The following THOC2 variants were observed in gnomAD, a reference collection of about 807,000 sequenced individuals.
The protein encoded by THOC2 is THO complex 2.
In THOC2, 10 loss-of-function variants were observed where a neutral mutation model predicts 128.4. That is an observed-to-expected ratio of 0.08 (90% CI 0.05 to 0.13). The LOEUF is 0.13. THOC2 is among the 10% of genes least tolerant of loss of function. THOC2 has a pLI of 1.00. For missense variants in THOC2, 535 were observed against 1,155.7 expected (o/e 0.46, Z 7.79); for synonymous variants, 393 against 396.9 (o/e 0.99, Z 0.12).
At chrX:123,701,723 C>T (rs1181917146) in intron 4 of THOC2, among the ~76,000 whole-genome samples, 1 of 109,713 alleles carries the variant, frequency 9.1e-6, no homozygotes, top group Non-Finnish European at 1.9e-5. Flanking sequence ...TCTTTAGTGC[C>T]TCACTAAAAA....
At chrX:123,680,688 A>G (rs1013370432) in intron 8 of THOC2, among the ~76,000 whole-genome samples, 2 of 110,814 alleles carry the variant, frequency 1.8e-5, no homozygotes, top group African/African-American at 6.6e-5. Context: ...CAAACTTAAC[A>G]TGCGCAAAGT....
intron 12 of THOC2, among the ~76,000 whole-genome samples, chrX:123,651,645 C>A (rs2048360338): frequency 9.0e-6 from 1 of 110,788 alleles, no homozygotes; most frequent in Admixed American, 9.6e-5. Context: ...ATACAAACTA[C>A]CATCAGAGAA....
chrX:123,718,690 C>G (rs2051539535), intron 1 of THOC2, among the ~76,000 whole-genome samples: 1 of 108,955 alleles, frequency 9.2e-6, no homozygotes, highest in Non-Finnish European at 1.9e-5. Flanking sequence ...ATCCAGGAGG[C>G]AGAGATTGCA....
chrX:123,661,319 T>C (rs1191617795), intron 12 of THOC2, among the ~76,000 whole-genome samples: 1 of 110,462 alleles, frequency 9.1e-6, no homozygotes, highest in African/African-American at 3.3e-5. Context: ...GCAGGAGAAT[T>C]GCTTGAACCC....
intron 22 of THOC2, 104 bp downstream of exon 22, chrX:123,631,584 C>T: frequency 1.1e-6 from 1 of 913,561 alleles, no homozygotes; most frequent in East Asian, 3.2e-5. Context: ...TAGTTTAGGG[C>T]CAAGACCTTC....
intron 7 of THOC2, among the ~76,000 whole-genome samples, chrX:123,694,217 T>C (rs938011822): frequency 3.7e-5 from 4 of 108,462 alleles, no homozygotes; most frequent in African/African-American, 1.3e-4. Flanking sequence ...CTTAAGTAAG[T>C]ATGACAGGAT....
At chrX:123,657,918 AAAT>A (rs909702006) in intron 12 of THOC2, among the ~76,000 whole-genome samples, 5 of 110,993 alleles carry the variant, frequency 4.5e-5, no homozygotes, top group Admixed American at 9.7e-5. Flanking sequence ...AGTTTGTTCA[AAAT>A]AATAATAGCA....
chrX:123,695,968 G>A (rs764356735), intron 7 of THOC2, 53 bp downstream of exon 7: 2 of 879,846 alleles, frequency 2.3e-6, no homozygotes, highest in South Asian at 6.4e-5. Context: ...TTCTCCAATA[G>A]CTAAAATAAC....
At chrX:123,652,489 A>G (rs1463809482) in intron 12 of THOC2, among the ~76,000 whole-genome samples, 2 of 111,800 alleles carry the variant, frequency 1.8e-5, no homozygotes, top group Non-Finnish European at 3.8e-5. Context: ...AGGAAGTCAA[A>G]TTGTCTCTGT....
At chrX:123,635,881 T>A (rs2047653609) in intron 19 of THOC2, among the ~76,000 whole-genome samples, 198 bp downstream of exon 19, 1 of 112,016 alleles carries the variant, frequency 8.9e-6, no homozygotes, top group Non-Finnish European at 1.9e-5. Flanking sequence ...TATAGTACAT[T>A]TATTCATGAA....
chrX:123,702,507 T>G (rs1202967144), intron 4 of THOC2, among the ~76,000 whole-genome samples: 1 of 104,936 alleles, frequency 9.5e-6, no homozygotes, highest in Non-Finnish European at 1.9e-5. Flanking sequence ...ATAAAATACA[T>G]ATATACATAT....
Position 123,644,530 on chromosome X carries a change from T to C in THOC2, c.1661+45A>G, listed in dbSNP as rs777007539. The C allele has an allele frequency of 4.2e-6, 4 of 959,698 alleles. No homozygotes were observed. In the South Asian group the frequency reaches 7.2e-5, roughly 17 times the overall value. 79.1% of individuals were successfully genotyped at this position (959,698 alleles called of 1,213,427 possible). On this transcript the variant is annotated intron_variant, in intron 15 of 38. Transcript: ENST00000245838. ...GCTACCTGAAAGAAAGTATATTAGA[T>C]TCAGATATAATTTAGATTAATATGA...
At chrX:123,617,055 CTAAAGA>C (rs763756312) in intron 33 of THOC2, among the ~76,000 whole-genome samples, 11 of 110,835 alleles carry the variant, frequency 9.9e-5, no homozygotes, top group African/African-American at 3.6e-4. Flanking sequence ...CAGAAACAGG[CTAAAGA>C]TAATCAACTT....
Position 123,717,537 on chromosome X carries a change from T to C in THOC2, c.72-4629A>G, listed in dbSNP as rs925358358. ...GATGAAAGAAACTGAAGATGACAAATAAATGAAAAGATATTCCATGCTGAT... is the reference window on the plus strand; with the variant it reads ...GATGAAAGAAACTGAAGATGACAAACAAATGAAAAGATATTCCATGCTGAT... On this transcript the variant is annotated intron_variant, in intron 1 of 38. Transcript: ENST00000245838. Among the ~76,000 whole-genome samples the C allele has an allele frequency of 9.0e-5, 10 of 110,537 alleles. 1 individual carries two copies. The Admixed American group carries it at 9.7e-4, about 11-fold the overall frequency.
chrX:123,612,130 T>C (rs940247025), intron 36 of THOC2, among the ~76,000 whole-genome samples: 17 of 111,626 alleles, frequency 1.5e-4, no homozygotes, highest in Non-Finnish European at 1.9e-5. Context: ...CTCAAAAAGT[T>C]AAACATAGAA....
chrX:123,671,645 T>C (rs777967609), intron 9 of THOC2, 24 bp downstream of exon 9: 5 of 988,079 alleles, frequency 5.1e-6, no homozygotes, highest in Non-Finnish European at 7.0e-6. Flanking sequence ...CAATCAAGTA[T>C]TCTTAGCAGC....
At chrX:123,625,799 C>T in intron 25 of THOC2, 113 bp downstream of exon 25, 1 of 798,649 alleles carries the variant, frequency 1.3e-6, no homozygotes. Flanking sequence ...CAAGTTCAGA[C>T]ACTTGGTTCT....
At chrX:123,724,972 G>A (rs1016974494) in intron 1 of THOC2, among the ~76,000 whole-genome samples, 2 of 111,057 alleles carry the variant, frequency 1.8e-5, no homozygotes, top group Non-Finnish European at 3.8e-5. Flanking sequence ...CAGCTACTCA[G>A]GAGGCTGAGG....
At chrX:123,704,850 A>G (rs1348928004) in intron 3 of THOC2, among the ~76,000 whole-genome samples, 3 of 111,674 alleles carry the variant, frequency 2.7e-5, no homozygotes, top group South Asian at 7.5e-4. Flanking sequence ...AGAGCAAGAC[A>G]CTGTCTTGGA....
Sources: allele counts gnomAD v4.1 joint callset (sites outside exome capture counted in the v4.1 genomes callset), GRCh38; gene constraint gnomAD v4.1.1; transcripts MANE v1.5; gene names NCBI Gene and HGNC (gene_info 2026-07-23, HGNC 2026-07-21).